SGCD: variants seen among roughly 807,000 people sequenced by gnomAD.
The protein encoded by SGCD is sarcoglycan delta, also known as delta-sarcoglycan.
A neutral mutation model predicts 36.6 loss-of-function variants in SGCD; 18 were observed. The ratio of observed to expected loss-of-function variants is 0.49; its 90% CI spans 0.34 to 0.73. The LOEUF (loss-of-function observed/expected upper bound fraction) is 0.73, where lower values mean the gene tolerates loss of function less well. SGCD is among the 30% of genes least tolerant of loss of function. The pLI is 0.01. For synonymous variants in SGCD, 133 were observed against 130.6 expected (o/e 1.02, Z -0.12); for missense variants, 387 against 346.7 (o/e 1.12, Z -0.92).
intron 3 of SGCD, among the ~76,000 whole-genome samples, chr5:156,236,149 A>G (rs1057150499): frequency 6.6e-6 from 1 of 152,192 alleles, no homozygotes; most frequent in Non-Finnish European, 1.5e-5. Flanking sequence ...TCAGACATTA[A>G]CACATCACAA....
At chr5:156,245,022 G>A (rs1250519091) in intron 3 of SGCD, among the ~76,000 whole-genome samples, 1 of 152,142 alleles carries the variant, frequency 6.6e-6, no homozygotes. Flanking sequence ...TAACCACAAC[G>A]CAGATACTCT....
chr5:156,002,411 G>T (rs1203228065), intron 1 of SGCD, among the ~76,000 whole-genome samples: 1 of 152,158 alleles, frequency 6.6e-6, no homozygotes, highest in East Asian at 1.9e-4. Flanking sequence ...CAGCCTTGTG[G>T]TATTTTATAA....
intron 1 of SGCD, among the ~76,000 whole-genome samples, chr5:156,011,437 C>G (rs959893030): frequency 6.6e-6 from 1 of 150,918 alleles, no homozygotes; most frequent in East Asian, 2.0e-4. Context: ...AAATAATCTG[C>G]AGAATTCTAT....
intron 1 of SGCD, among the ~76,000 whole-genome samples, chr5:155,997,298 T>TAGA (rs1758572827): frequency 6.6e-6 from 1 of 152,224 alleles, no homozygotes; most frequent in Admixed American, 6.5e-5. Context: ...TTAAGAGTCC[T>TAGA]TGTTCTTTTA....
chr5:156,465,168 T>C (rs1440313247), intron 3 of SGCD, among the ~76,000 whole-genome samples: 1 of 152,106 alleles, frequency 6.6e-6, no homozygotes, highest in Non-Finnish European at 1.5e-5. Flanking sequence ...TCCTCTAGGA[T>C]TCCCTCCAGG....
chr5:156,223,928 A>T (rs555075513), intron 3 of SGCD, among the ~76,000 whole-genome samples: 1 of 152,034 alleles, frequency 6.6e-6, no homozygotes, highest in African/African-American at 2.4e-5. Context: ...ATGAAGGTAA[A>T]CTTAAAACTG....
rs190032512 is a variant in SGCD at position 156,038,801 on chromosome 5, A to C, written c.-281-79077A>C. ...CTAGAAAAGGCGCAGAAGAACCTAC[A>C]AAGGGCTCTTTCTCCCATACCACAC... On this transcript the variant is annotated intron_variant, in intron 1 of 9. Coordinates refer to the SGCD transcript ENST00000517913. Among the ~76,000 whole-genome samples, 287 of 152,324 alleles carry C rather than the reference A, an allele frequency of 1.9e-3. 1 individual carries two copies. Among genetic ancestry groups the C allele is most frequent in the African/African-American group, 6.8e-3 (281 of 41,574 alleles).
intron 3 of SGCD, among the ~76,000 whole-genome samples, chr5:156,297,790 A>AT (rs1185238480): frequency 2.3e-5 from 3 of 130,194 alleles, no homozygotes; most frequent in African/African-American, 7.2e-5. Context: ...AGTATAATAA[A>AT]AAAATAAATA....
At chr5:156,472,579 G>A (rs572261217) in intron 3 of SGCD, among the ~76,000 whole-genome samples, 38 of 152,104 alleles carry the variant, frequency 2.5e-4, no homozygotes, top group Non-Finnish European at 3.8e-4. Flanking sequence ...CACCACACCC[G>A]GCTAATTTTT....
At chr5:156,649,335 A>G (rs943317061) in intron 7 of SGCD, among the ~76,000 whole-genome samples, 4 of 152,162 alleles carry the variant, frequency 2.6e-5, no homozygotes, top group African/African-American at 7.2e-5. Context: ...TGGAAATACC[A>G]TTTGACCCAG....
At chr5:156,072,921 A>G (rs1245085754) in intron 1 of SGCD, among the ~76,000 whole-genome samples, 1 of 152,094 alleles carries the variant, frequency 6.6e-6, no homozygotes, top group Non-Finnish European at 1.5e-5. Flanking sequence ...AGTTGATCGC[A>G]TCGGCTCCTG....
intron 3 of SGCD, among the ~76,000 whole-genome samples, chr5:156,187,269 G>A (rs898260620): frequency 6.6e-6 from 1 of 151,984 alleles, no homozygotes; most frequent in African/African-American, 2.4e-5. Flanking sequence ...GGATAATGGG[G>A]AATGAATATG....
chr5:155,971,828 G>A (rs573633408), intron 1 of SGCD, among the ~76,000 whole-genome samples: 7 of 152,198 alleles, frequency 4.6e-5, no homozygotes, highest in Non-Finnish European at 7.4e-5. Flanking sequence ...GGAATCATTC[G>A]TGCCACTTTA....
At chr5:156,042,099 G>A (rs1379044956) in intron 1 of SGCD, among the ~76,000 whole-genome samples, 1 of 152,064 alleles carries the variant, frequency 6.6e-6, no homozygotes, top group Non-Finnish European at 1.5e-5. Flanking sequence ...TTCCGTTCTT[G>A]TCTAAAACTG....
chr5:156,101,941 T>TGTGTGTGTGTGTGA lies in SGCD; in HGVS notation c.-281-15936_-281-15935insTGTGTGTGTGTGAG, dbSNP rs1218348339. Reference sequence around the variant, plus strand: ...GTGTGTGTGTGTGTGTGTGTGTGTGTGAGAGAGAGAGAGAGAGAGAGAGAG... The same window carrying TGTGTGTGTGTGTGA: ...GTGTGTGTGTGTGTGTGTGTGTGTGTGTGTGTGTGTGTGAGAGAGAGAGAGAGAGAGAGAGAGAG... On this transcript the variant is annotated intron_variant, in intron 1 of 9. Coordinates refer to the SGCD transcript ENST00000517913. Among the ~76,000 whole-genome samples, 163 of 138,340 alleles carry TGTGTGTGTGTGTGA rather than the reference T, an allele frequency of 1.2e-3. 1 individual carries two copies. Among genetic ancestry groups the TGTGTGTGTGTGTGA allele is most frequent in the South Asian group, 5.9e-3 (25 of 4,240 alleles). The allele number at this position is 138,340 out of a possible 152,430, so 90.8% of individuals were successfully genotyped here. A position where few individuals can be genotyped will look rare whatever the true frequency, so the allele number is the denominator to read the frequency against.
intron 1 of SGCD, among the ~76,000 whole-genome samples, chr5:156,037,969 T>G (rs150885711): frequency 2.3e-4 from 35 of 152,214 alleles, no homozygotes; most frequent in African/African-American, 6.7e-4. Flanking sequence ...GAGTCAAAGG[T>G]TAATGAGCCC....
intron 6 of SGCD, among the ~76,000 whole-genome samples, chr5:156,606,258 A>G (rs2113437282): frequency 1.3e-5 from 2 of 152,328 alleles, no homozygotes; most frequent in Middle Eastern, 6.8e-3. Context: ...TCAGCTTTCT[A>G]CACATGGCTA....
intron 3 of SGCD, among the ~76,000 whole-genome samples, chr5:156,306,790 G>C (rs1767225361): frequency 6.6e-6 from 1 of 152,112 alleles, no homozygotes; most frequent in South Asian, 2.1e-4. Context: ...CTTTGTGGCA[G>C]GAATGATCAC....
rs1164132173 is a variant in SGCD at position 156,767,483 on chromosome 5, T to TG, written c.*8094dup. 6.9e-5 allele frequency: 8 copies of TG among 115,724 alleles called. No homozygotes were observed. The highest frequency in any genetic ancestry group is 3.0e-4 in the African/African-American group (8 of 26,918). 7.2% of individuals were successfully genotyped at this position (115,724 alleles called of 1,614,324 possible). On this transcript the variant is annotated 3_prime_UTR_variant, in exon 9 of 9. Transcript: ENST00000337851. The stretch of plus-strand genomic sequence containing the variant: ...GGAAGTCCCATTTGCTTGGAGATTT[T>TG]GAAAAAAAAAAAAAAAAAAAACCCA...
Sources: allele counts gnomAD v4.1 joint callset (sites outside exome capture counted in the v4.1 genomes callset), GRCh38; gene constraint gnomAD v4.1.1; transcripts MANE v1.5; gene names NCBI Gene and HGNC (gene_info 2026-07-23, HGNC 2026-07-21).